The following RGS9 variants were observed in gnomAD, a reference collection of about 807,000 sequenced individuals.
RGS9 encodes regulator of G protein signaling 9.
In RGS9, 78 loss-of-function variants were observed where a neutral mutation model predicts 102.0. The ratio of observed to expected loss-of-function variants is 0.76; its 90% CI spans 0.64 to 0.92. The LOEUF (loss-of-function observed/expected upper bound fraction) is 0.92. Among genes scored for constraint, RGS9 ranks in the 40% least tolerant of loss-of-function variants. The pLI, the probability that RGS9 is intolerant of heterozygous loss-of-function variation, is 0.00. For missense variants in RGS9, 833 were observed against 866.1 expected (o/e 0.96, Z 0.48); for synonymous variants, 353 against 318.6 (o/e 1.11, Z -1.15).
At chr17:65,163,139 C>A (rs767532283) in intron 7 of RGS9, 50 bp downstream of exon 7, 3 of 845,654 alleles carry the variant, frequency 3.5e-6, no homozygotes, top group Admixed American at 4.8e-5. Flanking sequence ...TCCTCCCTCT[C>A]TTCCTTCTTT....
chr17:65,216,097 T>G (rs1405813334), intron 17 of RGS9, among the ~76,000 whole-genome samples: 1 of 152,170 alleles, frequency 6.6e-6, no homozygotes, highest in African/African-American at 2.4e-5. Context: ...GGCAGAGAGC[T>G]GTGGTTAATA....
At position 65,189,264 on chromosome 17, in the gene RGS9, GTTTTGT is replaced by G; in HGVS notation, c.655-19_655-14del. 5 of 1,606,584 alleles carry G rather than the reference GTTTTGT, an allele frequency of 3.1e-6. No homozygotes were observed. The highest frequency in any genetic ancestry group is 4.3e-6 in the Non-Finnish European group (5 of 1,173,434). On this transcript the variant is annotated splice_polypyrimidine_tract_variant and intron_variant, in intron 9 of 18. Coordinates refer to ENST00000262406, the MANE Select transcript of RGS9 (RefSeq NM_003835.4). ...ATGATTTCATGACATCTGCCTAACG[GTTTTGT>G]TTCTTTGTCTTACAGAAACAAACAG...
Position 65,227,507 on chromosome 17 carries a change from C to T in RGS9, c.*100C>T. On this transcript the variant is annotated 3_prime_UTR_variant, in exon 19 of 19. Transcript: ENST00000262406. ...ACACACTTGCTCGAGAACCAAAGTG[C>T]ATTTGGGTGACATTTGAAGATTGGG... 6.8e-7 allele frequency: 1 copy of T among 1,464,782 alleles called. No individual in the cohort carries two copies. The highest frequency in any genetic ancestry group is 9.3e-7 in the Non-Finnish European group (1 of 1,072,546). The allele number at this position is 1,464,782 out of a possible 1,614,324, so 90.7% of individuals were successfully genotyped here.
chr17:65,157,591 G>C (rs966185283), intron 2 of RGS9, among the ~76,000 whole-genome samples: 3 of 151,750 alleles, frequency 2.0e-5, no homozygotes, highest in Admixed American at 2.0e-4. Flanking sequence ...TTTGTGTGTT[G>C]TTCCCAAGCC....
intron 2 of RGS9, among the ~76,000 whole-genome samples, chr17:65,153,909 A>G (rs568180827): frequency 2.6e-4 from 39 of 151,716 alleles, no homozygotes; most frequent in African/African-American, 8.7e-4. Context: ...AAAACAAAAC[A>G]AAACAAAGCT....
At chr17:65,158,692 C>T (rs1254812830) in intron 3 of RGS9, 1 of 408,340 alleles carries the variant, frequency 2.4e-6, no homozygotes, top group Non-Finnish European at 4.6e-6. Context: ...GGGACACTAG[C>T]AAGAGCAATG....
chr17:65,202,401 C>T (rs1166833225), intron 14 of RGS9, among the ~76,000 whole-genome samples: 1 of 121,666 alleles, frequency 8.2e-6, no homozygotes, highest in Non-Finnish European at 1.7e-5. Context: ...TCTTAGGTGT[C>T]CTGAGGGGTG....
intron 8 of RGS9, among the ~76,000 whole-genome samples, chr17:65,175,179 A>T (rs529612134): frequency 1.2e-3 from 183 of 151,264 alleles, no homozygotes; most frequent in Non-Finnish European, 2.4e-3. Flanking sequence ...GTGTGCATGT[A>T]TGTGAGCATG....
chr17:65,170,333 G>GCC (rs1911366178), intron 8 of RGS9, among the ~76,000 whole-genome samples: 3 of 152,100 alleles, frequency 2.0e-5, no homozygotes, highest in Admixed American at 6.5e-5. Flanking sequence ...GATTACAGGC[G>GCC]TGAGCCACCG....
rs556458126 is a variant in RGS9 at position 65,175,449 on chromosome 17, G to T, written c.583-2283G>T. 9.2e-5 allele frequency among the ~76,000 whole-genome samples: 14 copies of T among 152,266 alleles called. No homozygotes were observed. The South Asian group carries it at 2.9e-3, about 32-fold the overall frequency. On this transcript the variant is annotated intron_variant, in intron 8 of 18. Transcript: ENST00000262406. ...GCCATGTGAGGTTAGATCCCATGGT[G>T]TTATCCCTTCAAGACACCTGTCTCA...
At position 65,190,191 on chromosome 17, in the gene RGS9, A is replaced by G. The variant is rs765513244; in HGVS notation, c.701A>G (p.Gln234Arg). 3 of 1,613,572 alleles carry G rather than the reference A, an allele frequency of 1.9e-6. No homozygotes were observed. The South Asian group carries it at 3.3e-5, about 18-fold the overall frequency. The change falls in exon 11 of 19, where the codon CAG (glutamine) becomes CGG (arginine). Residue 234 changes from glutamine to arginine, a missense_variant. This residue lies in a region of RGS9 where 328 missense variants were observed against 340.6 expected (regional missense o/e 0.96). Coordinates refer to ENST00000262406, the MANE Select transcript of RGS9 (RefSeq NM_003835.4). Reference sequence around the variant, plus strand: ...CTCTTCCAGATCATGTATTACCAACAGGCCTTGATGAGGTCCACAGTGAAG... The same window carrying G: ...CTCTTCCAGATCATGTATTACCAACGGGCCTTGATGAGGTCCACAGTGAAG... ...AVKKEIMYYQ[Q>R]ALMRSTVKSS...
intron 17 of RGS9, among the ~76,000 whole-genome samples, chr17:65,223,269 C>G (rs549264092): frequency 1.3e-5 from 2 of 152,176 alleles, no homozygotes; most frequent in Non-Finnish European, 2.9e-5. Flanking sequence ...TATAATAACC[C>G]CATGGCCCTG....
intron 1 of RGS9, among the ~76,000 whole-genome samples, chr17:65,147,117 G>C (rs1375209801): frequency 1.3e-5 from 2 of 152,156 alleles, no homozygotes; most frequent in Non-Finnish European, 2.9e-5. Flanking sequence ...AGCTGACCCA[G>C]TGACCTCAGA....
Position 65,227,531 on chromosome 17 carries a change from G to A in RGS9, c.*124G>A. On this transcript the variant is annotated 3_prime_UTR_variant, in exon 19 of 19. Transcript: ENST00000262406. Reference sequence around the variant, plus strand: ...GCATTTGGGTGACATTTGAAGATTGGGGAGACAAGATGGGGTAGATTGTGG... The same window carrying A: ...GCATTTGGGTGACATTTGAAGATTGAGGAGACAAGATGGGGTAGATTGTGG... The A allele has an allele frequency of 7.5e-7, 1 of 1,341,834 alleles. No homozygotes were observed. Among genetic ancestry groups the A allele is most frequent in the Non-Finnish European group, 1.0e-6 (1 of 966,692 alleles). 83.1% of individuals were successfully genotyped at this position (1,341,834 alleles called of 1,614,324 possible).
chr17:65,185,311 C>T (rs918635525), intron 9 of RGS9: 4 of 152,222 alleles, frequency 2.6e-5, no homozygotes, highest in African/African-American at 9.7e-5. Flanking sequence ...GTTTAGAATC[C>T]ATTATATTGC....
intron 1 of RGS9, among the ~76,000 whole-genome samples, chr17:65,139,165 C>T (rs1910053723): frequency 7.4e-6 from 1 of 135,548 alleles, no homozygotes; most frequent in African/African-American, 2.9e-5. Context: ...CTGTCTTCCC[C>T]TTCCTCTACC....
intron 17 of RGS9, among the ~76,000 whole-genome samples, chr17:65,216,364 G>A (rs1913522535): frequency 6.6e-6 from 1 of 152,210 alleles, no homozygotes; most frequent in African/African-American, 2.4e-5. Flanking sequence ...GTCTGGTTGG[G>A]TGCAGTGGCT....
chr17:65,205,884 T>A (rs774288329), intron 15 of RGS9, among the ~76,000 whole-genome samples: 2 of 152,026 alleles, frequency 1.3e-5, no homozygotes, highest in Non-Finnish European at 2.9e-5. Flanking sequence ...AGTTATGTGA[T>A]ATAGGTTATA....
intron 17 of RGS9, among the ~76,000 whole-genome samples, chr17:65,215,636 C>G (rs1230415553): frequency 6.6e-6 from 1 of 150,758 alleles, no homozygotes; most frequent in Non-Finnish European, 1.5e-5. Context: ...TCAAGCCATT[C>G]CCCTGCCTCA....
Sources: allele counts gnomAD v4.1 joint callset (sites outside exome capture counted in the v4.1 genomes callset), GRCh38; gene constraint gnomAD v4.1.1; regional missense constraint gnomAD v4.1.1; transcripts MANE v1.5; gene names NCBI Gene and HGNC (gene_info 2026-07-23, HGNC 2026-07-21).